Variants in PYGO1 observed in about 807,000 individuals in gnomAD.
PYGO1 encodes the protein pygopus family PHD finger 1.
A neutral mutation model predicts 29.5 loss-of-function variants in PYGO1; 6 were observed. That is an observed-to-expected ratio of 0.20 (90% CI 0.11 to 0.40). PYGO1 has a LOEUF of 0.40. PYGO1 is among the 10% of genes least tolerant of loss of function. The pLI, the probability that PYGO1 is intolerant of heterozygous loss-of-function variation, is 1.00. For synonymous variants in PYGO1, 186 were observed against 180.5 expected (o/e 1.03, Z -0.24); for missense variants, 515 against 514.9 (o/e 1.00, Z 0.00).
At position 55,546,374 on chromosome 15, in the gene PYGO1, C is replaced by A. The variant is rs929143274; in HGVS notation, c.909G>T (p.Thr303=). ...CTCTTGGTTGTCGTGGCTTATTCTG[C>A]GTCCCATTTGCAGGGTTATTGTTTG... is the stretch of plus-strand genomic sequence containing the variant. The part of the protein sequence containing the change: ...EATNNNPANG[T]QNKPRQPRGA... Residue 303 remains threonine, a synonymous_variant, in exon 3 of 3, where the codon ACG becomes ACT. Transcript: ENST00000563719. 1 of 1,614,072 alleles carries A rather than the reference C, an allele frequency of 6.2e-7. No individual in the cohort carries two copies. The highest frequency in any genetic ancestry group is 1.7e-5 in the Admixed American group (1 of 59,998).
intron 1 of PYGO1, among the ~76,000 whole-genome samples, chr15:55,565,555 A>G (rs576409667): frequency 6.9e-6 from 1 of 144,462 alleles, no homozygotes; most frequent in East Asian, 2.0e-4. Flanking sequence ...AATAAAAATT[A>G]AAAAAAAAAA....
At chr15:55,554,413 G>A (rs1339869882) in intron 1 of PYGO1, among the ~76,000 whole-genome samples, 6 of 146,132 alleles carry the variant, frequency 4.1e-5, no homozygotes, top group African/African-American at 1.3e-4. Flanking sequence ...AGCTTGCAGT[G>A]AGCTGATATT....
chr15:55,545,346 G>C lies in PYGO1; in HGVS notation c.*677C>G, dbSNP rs996698282. On this transcript the variant is annotated 3_prime_UTR_variant, in exon 3 of 3. Transcript: ENST00000563719. ...CGTTATACCAACTTTACTAATTGCA[G>C]TCAATTTTCAACTGATCTAATATTA... 1.3e-5 allele frequency: 2 copies of C among 152,146 alleles called. No homozygotes were observed. Among genetic ancestry groups the C allele is most frequent in the African/African-American group, 4.8e-5 (2 of 41,444 alleles). 9.4% of individuals were successfully genotyped at this position (152,146 alleles called of 1,614,324 possible).
Position 55,587,907 on chromosome 15 carries a change from C to T in PYGO1, c.-24G>A, listed in dbSNP as rs1161291964. Reference sequence around the variant, plus strand: ...ATTACAGACCGCAAAGCATGACTCCCCCCCAGGCCGCGGGAATTCGGTCTC... The same window carrying T: ...ATTACAGACCGCAAAGCATGACTCCTCCCCAGGCCGCGGGAATTCGGTCTC... On this transcript the variant is annotated 5_prime_UTR_variant, in exon 1 of 3. Transcript: ENST00000563719. The T allele has an allele frequency of 1.4e-6, 2 of 1,465,592 alleles. No individual in the cohort carries two copies. The highest frequency in any genetic ancestry group is 2.9e-5 in the African/African-American group (2 of 68,864). 90.8% of individuals were successfully genotyped at this position (1,465,592 alleles called of 1,614,324 possible).
chr15:55,552,665 CA>C (rs2058884653), intron 1 of PYGO1, among the ~76,000 whole-genome samples: 2 of 152,114 alleles, frequency 1.3e-5, no homozygotes, highest in African/African-American at 4.8e-5. Flanking sequence ...ACCCACAGAT[CA>C]GGGGATCTCC....
At chr15:55,582,949 C>T (rs2141679096) in intron 1 of PYGO1, among the ~76,000 whole-genome samples, 1 of 152,126 alleles carries the variant, frequency 6.6e-6, no homozygotes, top group African/African-American at 2.4e-5. Context: ...CTTGTAAAGT[C>T]CATTTTTAGT....
intron 1 of PYGO1, among the ~76,000 whole-genome samples, chr15:55,582,911 T>A (rs1342201737): frequency 1.3e-5 from 2 of 152,208 alleles, no homozygotes; most frequent in Non-Finnish European, 2.9e-5. Flanking sequence ...ATCCTCTATA[T>A]TCATCCCATC....
At chr15:55,564,518 G>A (rs2058946831) in intron 1 of PYGO1, among the ~76,000 whole-genome samples, 1 of 152,204 alleles carries the variant, frequency 6.6e-6, no homozygotes, top group Non-Finnish European at 1.5e-5. Context: ...CCTGCTCAGA[G>A]CTCCTCTGCT....
At chr15:55,565,575 G>A (rs538909924) in intron 1 of PYGO1, among the ~76,000 whole-genome samples, 2 of 151,656 alleles carry the variant, frequency 1.3e-5, no homozygotes, top group Admixed American at 6.6e-5. Flanking sequence ...AATTAGCCAG[G>A]CTGGTAGCGG....
chr15:55,551,605 G>C (rs2058879043), intron 1 of PYGO1, among the ~76,000 whole-genome samples: 1 of 151,956 alleles, frequency 6.6e-6, no homozygotes, highest in African/African-American at 2.4e-5. Context: ...AGACCAGCCT[G>C]GAAAACACAG....
intron 1 of PYGO1, among the ~76,000 whole-genome samples, chr15:55,556,314 C>T (rs748751864): frequency 5.9e-5 from 9 of 152,160 alleles, no homozygotes; most frequent in Middle Eastern, 3.4e-3. Context: ...CACACCACAG[C>T]GCAATCAAAT....
At chr15:55,563,362 A>C (rs1159629455) in intron 1 of PYGO1, among the ~76,000 whole-genome samples, 1 of 145,678 alleles carries the variant, frequency 6.9e-6, no homozygotes, top group Non-Finnish European at 1.5e-5. Flanking sequence ...TACATGAATA[A>C]ATTCTTTTTT....
At chr15:55,559,236 T>C (rs1333090649) in intron 1 of PYGO1, among the ~76,000 whole-genome samples, 1 of 152,112 alleles carries the variant, frequency 6.6e-6, no homozygotes, top group Admixed American at 6.5e-5. Flanking sequence ...AAAATGCTCA[T>C]CATCACTGGC....
intron 1 of PYGO1, among the ~76,000 whole-genome samples, chr15:55,579,560 G>C (rs1221880572): frequency 6.6e-6 from 1 of 151,838 alleles, no homozygotes; most frequent in Non-Finnish European, 1.5e-5. Flanking sequence ...CTGTCACCCA[G>C]GCTGGAGTGC....
At chr15:55,548,707 TAAAAAAAAAAAAAAAAAAAAAAAAAA>T (rs60796044) in intron 2 of PYGO1, among the ~76,000 whole-genome samples, 177 bp downstream of exon 2, 4 of 55,432 alleles carry the variant, frequency 7.2e-5, no homozygotes, top group Admixed American at 2.6e-4. Flanking sequence ...AGAATCCACC[TAAAAAAAAAAAAAAAAAAAAAAAAAA>T]AAAAAAAAAA....
intron 1 of PYGO1, among the ~76,000 whole-genome samples, chr15:55,563,554 A>G (rs2058942555): frequency 1.3e-5 from 2 of 151,956 alleles, no homozygotes; most frequent in South Asian, 2.1e-4. Context: ...GTTTTACCAC[A>G]TGGGTCAGGC....
At chr15:55,549,603 T>A (rs929682006) in intron 1 of PYGO1, among the ~76,000 whole-genome samples, 2 of 152,186 alleles carry the variant, frequency 1.3e-5, no homozygotes, top group African/African-American at 2.4e-5. Flanking sequence ...TTAGAGAGAT[T>A]TACAAGTAGC....
chr15:55,552,436 G>A (rs908950028), intron 1 of PYGO1, among the ~76,000 whole-genome samples: 2 of 150,552 alleles, frequency 1.3e-5, no homozygotes, highest in Non-Finnish European at 3.0e-5. Context: ...AAAATGGTGT[G>A]TGAATTAAGC....
chr15:55,574,731 C>T (rs551444648), intron 1 of PYGO1, among the ~76,000 whole-genome samples: 19 of 151,920 alleles, frequency 1.3e-4, no homozygotes, highest in Non-Finnish European at 2.4e-4. Flanking sequence ...TTTATAAGGA[C>T]AGCTAATGTC....
Sources: gnomAD v4.1 joint callset for allele counts (sites outside exome capture counted in the v4.1 genomes callset) on GRCh38, gnomAD v4.1.1 for gene constraint, MANE v1.5 for transcripts, NCBI Gene and HGNC (gene_info 2026-07-23, HGNC 2026-07-21) for gene names.